Variants in KRT73 observed in about 807,000 individuals in gnomAD.
The protein encoded by KRT73 is keratin 73, also known as keratin, type II cytoskeletal 73.
Under a neutral mutation model 47.2 loss-of-function variants are expected in KRT73, and 44 were observed. The observed-to-expected ratio is 0.93, with a 90% confidence interval of 0.73 to 1.20. KRT73 has a LOEUF of 1.20. KRT73 is among the 50% of genes most tolerant of loss of function. The probability of loss-of-function intolerance (pLI) is 0.00; values close to 1 mark genes in which losing one functional copy is unlikely to be tolerated. For synonymous variants in KRT73, 285 were observed against 291.3 expected, an observed-to-expected ratio of 0.98 and a Z score of 0.22; for missense variants, 713 against 704.5, an observed-to-expected ratio of 1.01 and a Z score of -0.14.
chr12:52,628,291 C>G, the KRT73 span, among the ~76,000 whole-genome samples: 2 of 152,078 alleles, frequency 1.3e-5, no homozygotes, highest in African/African-American at 4.8e-5. Flanking sequence ...ACCCAGCCCA[C>G]CCTCAGGTTG....
chr12:52,625,115 A>G, the KRT73 span, among the ~76,000 whole-genome samples: 1 of 152,216 alleles, frequency 6.6e-6, no homozygotes, highest in East Asian at 1.9e-4. Context: ...TTTGACATCA[A>G]AAGCATAATC....
intron 5 of KRT73, 104 bp from the exon 6 acceptor site, chr12:52,611,433 TC>T: frequency 7.1e-7 from 1 of 1,402,420 alleles, no homozygotes; most frequent in Non-Finnish European, 9.8e-7. Flanking sequence ...CAGAGGTGGG[TC>T]CAGGTCCCCC....
chr12:52,615,371 T>C, intron 2 of KRT73, 32 bp from the exon 3 acceptor site: 3 of 1,554,616 alleles, frequency 1.9e-6, no homozygotes, highest in Non-Finnish European at 2.7e-6. Flanking sequence ...AAGCAGAGTG[T>C]GTGTCTGTGT....
rs1236529930 is a variant in KRT73 at position 52,609,268 on chromosome 12, A to G, written c.1345T>C (p.Tyr449His). ...EGEECRMSGE[Y>H]TNSVSISVIN... is the part of the protein sequence containing the mutation. The stretch of plus-strand genomic sequence containing the variant: ...TCACAAATGCTCACGGAGTTGGTAT[A>G]TTCTCCGGACATCCTGCAAGAGAGA... The change falls in exon 8 of 9, where the codon TAT (tyrosine) becomes CAT (histidine). Residue 449 changes from tyrosine to histidine, a missense_variant. By Grantham distance (83) the Tyr-to-His change is moderately conservative. Coordinates refer to ENST00000305748, the MANE Select transcript of KRT73 (RefSeq NM_175068.3). The G allele has an allele frequency of 1.2e-6, 2 of 1,613,716 alleles. No individual in the cohort carries two copies. Among genetic ancestry groups the G allele is most frequent in the East Asian group, 2.2e-5 (1 of 44,876 alleles).
At chr12:52,625,997 A>AAG in the KRT73 span, among the ~76,000 whole-genome samples, 1 of 1,234 alleles carries the variant, frequency 8.1e-4, no homozygotes, top group African/African-American at 1.6e-3. Flanking sequence ...TTGGGGGTTA[A>AAG]ACAGTGTCAC....
At chr12:52,629,283 T>C in the KRT73 span, among the ~76,000 whole-genome samples, 1 of 152,122 alleles carries the variant, frequency 6.6e-6, no homozygotes, top group Admixed American at 6.5e-5. Flanking sequence ...TCACACAGCA[T>C]TGAGGGGCAC....
At chr12:52,622,570 G>A (rs1940922677), upstream of KRT73, among the ~76,000 whole-genome samples, 2 of 152,230 alleles carry the variant, frequency 1.3e-5, no homozygotes, top group African/African-American at 2.4e-5. Flanking sequence ...CCCAGAGGCA[G>A]TGACAGCATG....
chr12:52,617,321 G>C (rs529504597), intron 1 of KRT73, among the ~76,000 whole-genome samples: 5 of 152,190 alleles, frequency 3.3e-5, no homozygotes, highest in Non-Finnish European at 7.3e-5. Context: ...TCTCAAACCT[G>C]AGTGTACATC....
At chr12:52,630,756 C>G in the KRT73 span, among the ~76,000 whole-genome samples, 1 of 152,194 alleles carries the variant, frequency 6.6e-6, no homozygotes. Flanking sequence ...CGACCTCCAT[C>G]TAAATGGCTT....
the KRT73 span, among the ~76,000 whole-genome samples, chr12:52,630,430 A>T: frequency 6.6e-6 from 1 of 152,074 alleles, no homozygotes; most frequent in Non-Finnish European, 1.5e-5. Flanking sequence ...GGCATCTCCG[A>T]TGGCTACCTT....
intron 5 of KRT73, 156 bp downstream of exon 5, chr12:52,613,532 T>G: frequency 5.7e-6 from 8 of 1,397,328 alleles, no homozygotes; most frequent in Non-Finnish European, 6.6e-6. Flanking sequence ...AGGACAGAGC[T>G]GTGTCTTCTC....
chr12:52,627,816 C>T, the KRT73 span, among the ~76,000 whole-genome samples: 12 of 152,246 alleles, frequency 7.9e-5, no homozygotes, highest in South Asian at 1.9e-3. Context: ...TTTGTGCCAA[C>T]CTTCCAAAGC....
intron 5 of KRT73, among the ~76,000 whole-genome samples, chr12:52,611,683 T>G (rs1206410454): frequency 1.3e-5 from 2 of 152,196 alleles, no homozygotes; most frequent in Non-Finnish European, 2.9e-5. Flanking sequence ...GCTCATTTCT[T>G]TCTGCCCTTG....
chr12:52,626,800 C>T, the KRT73 span, among the ~76,000 whole-genome samples: 2 of 152,204 alleles, frequency 1.3e-5, no homozygotes, highest in Non-Finnish European at 2.9e-5. Flanking sequence ...GAAGGCAACG[C>T]AGCCATAGGA....
At position 52,618,461 on chromosome 12, in the gene KRT73, C is replaced by A. The variant is rs114854019; in HGVS notation, c.64G>T (p.Ala22Ser). Reference sequence around the variant, plus strand: ...GATGAGCTGCCCCCTGAGAGCACAGCGGAGCAGCCGCTGAAGCCCCCCTTG... The same window carrying A: ...GATGAGCTGCCCCCTGAGAGCACAGAGGAGCAGCCGCTGAAGCCCCCCTTG... ...AAKGGFSGCSAVLSGGSSSSY... is the reference protein window; with the variant it reads ...AAKGGFSGCSSVLSGGSSSSY... Residue 22 changes from alanine (A) to serine (S), a missense_variant, in exon 1 of 9, where the codon GCT becomes TCT. Transcript: ENST00000305748. The A allele has an allele frequency of 6.2e-7, 1 of 1,613,386 alleles. No homozygotes were observed. The highest frequency in any genetic ancestry group is 2.2e-5 in the East Asian group (1 of 44,866).
upstream of KRT73, among the ~76,000 whole-genome samples, chr12:52,621,292 G>GA (rs1940900958): frequency 2.9e-5 from 2 of 68,062 alleles, no homozygotes; most frequent in East Asian, 6.2e-4. Context: ...AGAAAGAAAG[G>GA]GGGGGGGGGG....
At chr12:52,613,577 G>T (rs928344100) in intron 5 of KRT73, 111 bp downstream of exon 5, 22 of 1,544,282 alleles carry the variant, frequency 1.4e-5, no homozygotes, top group Admixed American at 1.8e-5. Context: ...CCAGGAGAGT[G>T]CTGTGCTCCC....
chr12:52,624,144 A>G, the KRT73 span, among the ~76,000 whole-genome samples: 1 of 152,014 alleles, frequency 6.6e-6, no homozygotes, highest in Non-Finnish European at 1.5e-5. Flanking sequence ...AAAAATTATG[A>G]GACAGAGAGA....
Position 52,615,263 on chromosome 12 carries a change from C to G in KRT73, c.723+16G>C. On this transcript the variant is annotated intron_variant, in intron 3 of 8. Transcript: ENST00000305748. ...CACTGCTGGGGGACTGAAGGGAACC[C>G]ATGCACCCTCCTCACCTTCTTAAGC... The G allele has an allele frequency of 6.2e-7, 1 of 1,611,722 alleles. No homozygotes were observed. Among genetic ancestry groups the G allele is most frequent in the Non-Finnish European group, 8.5e-7 (1 of 1,177,976 alleles).
Sources: gnomAD v4.1 joint callset for allele counts (sites outside exome capture counted in the v4.1 genomes callset) on GRCh38, gnomAD v4.1.1 for gene constraint, MANE v1.5 for transcripts, NCBI Gene and HGNC (gene_info 2026-07-23, HGNC 2026-07-21) for gene names.